The following BCKDHB variants were observed in gnomAD, a reference collection of about 807,000 sequenced individuals.
BCKDHB encodes 2-oxoisovalerate dehydrogenase subunit beta, mitochondrial.
A neutral mutation model predicts 48.5 loss-of-function variants in BCKDHB; 41 were observed. The observed-to-expected ratio is 0.85, with a 90% CI of 0.66 to 1.10. The LOEUF is 1.10. BCKDHB is among the 50% of genes least tolerant of loss of function. The pLI is 0.00. For synonymous variants in BCKDHB, 201 were observed against 174.8 expected (o/e 1.15, Z -1.18); for missense variants, 496 against 494.2 (o/e 1.00, Z -0.03).
chr6:80,365,126 A>G, the BCKDHB span, among the ~76,000 whole-genome samples: 1 of 152,192 alleles, frequency 6.6e-6, no homozygotes, highest in South Asian at 2.1e-4. Context: ...TTCTGAGGGA[A>G]CAGGACAAAA....
chr6:80,320,500 T>G (rs1768667560), intron 9 of BCKDHB, among the ~76,000 whole-genome samples: 1 of 152,206 alleles, frequency 6.6e-6, no homozygotes, highest in African/African-American at 2.4e-5. Context: ...TTATTAAAAC[T>G]TCATTTCTAG....
chr6:80,166,519 A>G (rs1772576683), intron 3 of BCKDHB, among the ~76,000 whole-genome samples: 1 of 151,874 alleles, frequency 6.6e-6, no homozygotes, highest in African/African-American at 2.4e-5. Flanking sequence ...AGCTGGGTGT[A>G]GTGGTGGGCG....
At chr6:80,386,646 G>A in the BCKDHB span, among the ~76,000 whole-genome samples, 3 of 152,202 alleles carry the variant, frequency 2.0e-5, no homozygotes, top group Admixed American at 6.5e-5. Context: ...GGCAATGTGG[G>A]CATAGCTACT....
chr6:80,247,426 A>T (rs1384986631), intron 8 of BCKDHB, among the ~76,000 whole-genome samples: 1 of 152,246 alleles, frequency 6.6e-6, no homozygotes, highest in Non-Finnish European at 1.5e-5. Flanking sequence ...TAAGGTTGTC[A>T]TAACAAATCA....
rs539304765 is a variant in BCKDHB at position 80,314,733 on chromosome 6, C to T, written c.1039-28931C>T. Among the ~76,000 whole-genome samples, 6 of 152,334 alleles carry T rather than the reference C, an allele frequency of 3.9e-5. No homozygotes were observed. In the East Asian group the frequency reaches 5.8e-4, roughly 15 times the overall value. On this transcript the variant is annotated intron_variant, in intron 9 of 9. Transcript: ENST00000320393. ...AACCAAGGTGGTGGCCTGCCCCTCC[C>T]GCAAGGCACTCTGTCCGAGGGAGAG...
intron 8 of BCKDHB, among the ~76,000 whole-genome samples, chr6:80,257,512 T>TAA (rs1777104762): frequency 1.3e-5 from 2 of 151,576 alleles, no homozygotes; most frequent in South Asian, 4.2e-4. Flanking sequence ...TAATACATAT[T>TAA]ATGTGTTAGG....
At chr6:80,462,662 T>C in the BCKDHB span, among the ~76,000 whole-genome samples, 247 of 152,312 alleles carry the variant, frequency 1.6e-3, 2 homozygotes, top group Middle Eastern at 0.017. Context: ...GAAGGCATTA[T>C]GGCCCCCATA....
At chr6:80,395,703 C>A in the BCKDHB span, among the ~76,000 whole-genome samples, 1 of 152,160 alleles carries the variant, frequency 6.6e-6, no homozygotes, top group East Asian at 1.9e-4. Flanking sequence ...ATTACCAAGG[C>A]CATGGGGAAA....
At chr6:80,461,347 TTC>T in the BCKDHB span, among the ~76,000 whole-genome samples, 4 of 152,162 alleles carry the variant, frequency 2.6e-5, no homozygotes, top group Non-Finnish European at 5.9e-5. Context: ...TGTGTCTATA[TTC>T]TAATCCTCTC....
rs569241752 is a variant in BCKDHB at position 80,134,427 on chromosome 6, G to A, written c.343+5198G>A. On this transcript the variant is annotated intron_variant, in intron 3 of 9. Transcript: ENST00000320393. Reference sequence around the variant, plus strand: ...AAGTCAGGTTGGAAAACTAGGACAGGCATGCGGTGAAGGCAAGTTTTTGTC... The same window carrying A: ...AAGTCAGGTTGGAAAACTAGGACAGACATGCGGTGAAGGCAAGTTTTTGTC... 2.6e-5 allele frequency among the ~76,000 whole-genome samples: 4 copies of A among 152,242 alleles called. No homozygotes were observed. The East Asian group carries it at 7.7e-4, about 29-fold the overall frequency.
chr6:80,425,949 A>G, the BCKDHB span, among the ~76,000 whole-genome samples: 1 of 152,252 alleles, frequency 6.6e-6, no homozygotes, highest in East Asian at 1.9e-4. Flanking sequence ...TTTATGTTTC[A>G]TTTCAAATTT....
intron 9 of BCKDHB, among the ~76,000 whole-genome samples, chr6:80,342,659 A>T (rs1314575588): frequency 6.7e-6 from 1 of 150,174 alleles, no homozygotes; most frequent in Non-Finnish European, 1.5e-5. Context: ...GGCGTCGGTG[A>T]TGTGCACAAG....
At chr6:80,204,945 G>A (rs754371589) in intron 8 of BCKDHB, among the ~76,000 whole-genome samples, 1 of 151,916 alleles carries the variant, frequency 6.6e-6, no homozygotes, top group Admixed American at 6.6e-5. Context: ...GAGGAGACAA[G>A]CGATCTCTAC....
rs59529287 is a variant in BCKDHB, at chr6:80,335,245, A to AAAAAAAAAG, written c.1039-8417_1039-8416insAAAAAAGAA. ...GAATTTTGTGGGAAAAAAAAAAAAA[A>AAAAAAAAAG]AAGAAGAAAAATTGAATGCTTTGTA... On this transcript the variant is annotated intron_variant, in intron 9 of 9. Coordinates refer to ENST00000320393, the MANE Select transcript of BCKDHB (RefSeq NM_183050.4). Among the ~76,000 whole-genome samples the AAAAAAAAAG allele has an allele frequency of 1.0e-4, 11 of 105,760 alleles. 2 individuals are homozygous for AAAAAAAAAG. Among genetic ancestry groups the AAAAAAAAAG allele is most frequent in the Admixed American group, 2.4e-4 (2 of 8,236 alleles). The allele number at this position is 105,760 out of a possible 152,430, so 69.4% of individuals were successfully genotyped here. A position where few individuals can be genotyped will look rare whatever the true frequency, so the allele number is the denominator to read the frequency against.
rs34127398 is a variant in BCKDHB, at chr6:80,342,556, G to GAAAA, written c.1039-1088_1039-1085dup. Among the ~76,000 whole-genome samples the GAAAA allele has an allele frequency of 2.4e-3, 58 of 23,974 alleles. 11 individuals are homozygous for GAAAA. Among genetic ancestry groups the GAAAA allele is most frequent in the Admixed American group, 0.01 (15 of 1,454 alleles). The allele number at this position is 23,974 out of a possible 152,430, so 15.7% of individuals were successfully genotyped here. A position where few individuals can be genotyped will look rare whatever the true frequency, so the allele number is the denominator to read the frequency against. Reference sequence around the variant, plus strand: ...GGCAACATAAGAAGACCTCATTTCTGAAAAAAAAAAAAAAAAAAAAAAAGA... The same window carrying GAAAA: ...GGCAACATAAGAAGACCTCATTTCTGAAAAAAAAAAAAAAAAAAAAAAAAAAAGA... On this transcript the variant is annotated intron_variant, in intron 9 of 9. Transcript: ENST00000320393.
chr6:80,174,440 A>G (rs1187760410), intron 6 of BCKDHB, among the ~76,000 whole-genome samples: 1 of 152,104 alleles, frequency 6.6e-6, no homozygotes, highest in East Asian at 1.9e-4. Context: ...AGCATACTCA[A>G]GTCCCATGGC....
At chr6:80,216,695 G>T (rs566448630) in intron 8 of BCKDHB, among the ~76,000 whole-genome samples, 3 of 152,098 alleles carry the variant, frequency 2.0e-5, no homozygotes, top group Non-Finnish European at 4.4e-5. Context: ...TATGTTCTTA[G>T]TTTAACATTT....
At chr6:80,160,576 C>A (rs1372269154) in intron 3 of BCKDHB, among the ~76,000 whole-genome samples, 1 of 152,194 alleles carries the variant, frequency 6.6e-6, no homozygotes, top group Admixed American at 6.5e-5. Flanking sequence ...TTTCTAATTG[C>A]TTAGCAAGAG....
chr6:80,402,678 T>A, the BCKDHB span, among the ~76,000 whole-genome samples: 1 of 151,972 alleles, frequency 6.6e-6, no homozygotes, highest in African/African-American at 2.4e-5. Context: ...AGAAAATCAT[T>A]GCTAGGAATG....
Sources: allele counts gnomAD v4.1 joint callset (sites outside exome capture counted in the v4.1 genomes callset), GRCh38; gene constraint gnomAD v4.1.1; transcripts MANE v1.5; gene names NCBI Gene and HGNC (gene_info 2026-07-23, HGNC 2026-07-21).